TENM3: variants seen among roughly 807,000 people sequenced by gnomAD.
The protein encoded by TENM3 is teneurin transmembrane protein 3, also known as teneurin-3.
In TENM3, 63 loss-of-function variants were observed where a neutral mutation model predicts 255.1. That is an observed-to-expected ratio of 0.25 (90% CI 0.20 to 0.30). The LOEUF is 0.30. TENM3 is among the 10% of genes least tolerant of loss of function. TENM3 has a pLI of 1.00. For missense variants in TENM3, 2,929 were observed against 3,461.1 expected, an observed-to-expected ratio of 0.85 and a Z score of 3.86; for synonymous variants, 1,306 against 1,322.3, an observed-to-expected ratio of 0.99 and a Z score of 0.27.
intron 3 of TENM3, among the ~76,000 whole-genome samples, chr4:182,438,203 T>A (rs993531478): frequency 6.6e-6 from 1 of 152,224 alleles, no homozygotes. Context: ...TCTTGAAGGG[T>A]GAGCTGTGAT....
rs190020087 is a variant in TENM3 at position 182,257,706 on chromosome 4, T to C, written c.-76+14230T>C. Among the ~76,000 whole-genome samples, 5 of 152,288 alleles carry C rather than the reference T, an allele frequency of 3.3e-5. No homozygotes were observed. The East Asian group carries it at 9.7e-4, about 29-fold the overall frequency. On this transcript the variant is annotated intron_variant, in intron 1 of 27. Transcript: ENST00000511685. ...GCCATGGGATTACCTGGGGGTGTTATGTAAGAGCAGCCCTTTGAGATGGGT... is the reference window on the plus strand; with the variant it reads ...GCCATGGGATTACCTGGGGGTGTTACGTAAGAGCAGCCCTTTGAGATGGGT...
chr4:181,962,426 T>A, the TENM3 span, among the ~76,000 whole-genome samples: 4 of 152,336 alleles, frequency 2.6e-5, no homozygotes, highest in Non-Finnish European at 1.5e-5. Context: ...CCATAGGTGC[T>A]AACCCATTGG....
At chr4:181,523,575 G>A in the TENM3 span, among the ~76,000 whole-genome samples, 1 of 152,098 alleles carries the variant, frequency 6.6e-6, no homozygotes. Flanking sequence ...ATCAGAAAAT[G>A]GGATTGTACA....
chr4:181,620,662 TAA>T, the TENM3 span, among the ~76,000 whole-genome samples: 15 of 127,382 alleles, frequency 1.2e-4, no homozygotes, highest in Admixed American at 1.6e-4. Context: ...ACAGAGTCCT[TAA>T]AAAAAAAAAA....
At chr4:182,215,681 G>C (rs1040090322) in intron 1 of TENM3, among the ~76,000 whole-genome samples, 2 of 152,182 alleles carry the variant, frequency 1.3e-5, no homozygotes, top group African/African-American at 4.8e-5. Flanking sequence ...GTGGCAACAG[G>C]CTTTTCCTTA....
At chr4:181,880,070 A>G in the TENM3 span, among the ~76,000 whole-genome samples, 1 of 152,132 alleles carries the variant, frequency 6.6e-6, no homozygotes, top group Admixed American at 6.6e-5. Context: ...TATAATTTTC[A>G]TGAGACTTCA....
At chr4:182,157,742 A>AAAAG (rs1269876773) in intron 1 of TENM3, among the ~76,000 whole-genome samples, 16 of 152,190 alleles carry the variant, frequency 1.1e-4, no homozygotes, top group African/African-American at 3.4e-4. Flanking sequence ...GATCTCTGGA[A>AAAAG]AAAGACAAGA....
At chr4:181,918,457 T>C in the TENM3 span, among the ~76,000 whole-genome samples, 1 of 152,154 alleles carries the variant, frequency 6.6e-6, no homozygotes, top group African/African-American at 2.4e-5. Flanking sequence ...GGAAGACTAT[T>C]TTTTAAACGA....
chr4:182,246,092 A>G (rs1561238182), intron 1 of TENM3, among the ~76,000 whole-genome samples: 1 of 152,160 alleles, frequency 6.6e-6, no homozygotes, highest in East Asian at 1.9e-4. Context: ...AGCAACCGCT[A>G]TGGCAGAGGG....
At chr4:181,740,916 A>G in the TENM3 span, among the ~76,000 whole-genome samples, 13 of 152,214 alleles carry the variant, frequency 8.5e-5, no homozygotes, top group Non-Finnish European at 4.4e-5. Flanking sequence ...CCACTTAAAA[A>G]GAAAACCGTA....
chr4:181,559,152 A>T, the TENM3 span, among the ~76,000 whole-genome samples: 2 of 152,190 alleles, frequency 1.3e-5, no homozygotes, highest in African/African-American at 2.4e-5. Context: ...GTGCTTCCTA[A>T]AGGGTAATTG....
At chr4:181,465,500 G>A in the TENM3 span, among the ~76,000 whole-genome samples, 2 of 152,048 alleles carry the variant, frequency 1.3e-5, no homozygotes, top group Non-Finnish European at 2.9e-5. Context: ...GTCAGAAAAG[G>A]TGACATCACA....
At chr4:182,652,662 G>T (rs576347927) in intron 5 of TENM3, among the ~76,000 whole-genome samples, 2 of 152,160 alleles carry the variant, frequency 1.3e-5, no homozygotes, top group Non-Finnish European at 2.9e-5. Flanking sequence ...GGTCAGTGCC[G>T]TTACTTTATG....
chr4:182,061,504 G>A, the TENM3 span, among the ~76,000 whole-genome samples: 6 of 151,970 alleles, frequency 3.9e-5, no homozygotes, highest in African/African-American at 1.5e-4. Flanking sequence ...AGGTTCTATT[G>A]TAATCCATGA....
At chr4:182,129,108 C>T in the TENM3 span, among the ~76,000 whole-genome samples, 955 of 152,334 alleles carry the variant, frequency 6.3e-3, 9 homozygotes, top group African/African-American at 0.022. Context: ...CAACAGACAG[C>T]TAGCGCTGTG....
At chr4:181,475,563 T>C in the TENM3 span, among the ~76,000 whole-genome samples, 1 of 152,210 alleles carries the variant, frequency 6.6e-6, no homozygotes, top group South Asian at 2.1e-4. Context: ...CATTATCTGC[T>C]GATTTAGCTG....
Position 182,784,732 on chromosome 4 carries a change from C to A in TENM3, c.5305-4361C>A, listed in dbSNP as rs1328108929. Reference sequence around the variant, plus strand: ...CTCCGTGGGCGTAGGACCCTCCCAGCCAGGTGCGGGATATAATCTCCTGGT... The same window carrying A: ...CTCCGTGGGCGTAGGACCCTCCCAGACAGGTGCGGGATATAATCTCCTGGT... On this transcript the variant is annotated intron_variant, in intron 24 of 27. Transcript: ENST00000511685. Among the ~76,000 whole-genome samples, 4 of 151,956 alleles carry A rather than the reference C, an allele frequency of 2.6e-5. No individual in the cohort carries two copies. In the East Asian group the frequency reaches 7.8e-4, roughly 30 times the overall value.
At chr4:182,108,310 G>A in the TENM3 span, among the ~76,000 whole-genome samples, 8 of 152,258 alleles carry the variant, frequency 5.3e-5, no homozygotes, top group East Asian at 1.5e-3. Flanking sequence ...GGGCTTTAAC[G>A]TGTCTAGGTG....
chr4:182,199,665 T>C (rs1325080202), intron 1 of TENM3, among the ~76,000 whole-genome samples: 2 of 151,692 alleles, frequency 1.3e-5, no homozygotes, highest in African/African-American at 4.8e-5. Context: ...TTTAAATCAC[T>C]TGACGTGGTA....
Sources: gnomAD v4.1 joint callset for allele counts (sites outside exome capture counted in the v4.1 genomes callset) on GRCh38, gnomAD v4.1.1 for gene constraint, MANE v1.5 for transcripts, NCBI Gene and HGNC (gene_info 2026-07-23, HGNC 2026-07-21) for gene names.